Variants in CLVS1 observed in about 807,000 individuals in gnomAD.
CLVS1 encodes clavesin 1, also known as clavesin-1.
In CLVS1, 10 loss-of-function variants were observed where a neutral mutation model predicts 33.1. The ratio of observed to expected loss-of-function variants is 0.30; its 90% CI spans 0.19 to 0.51. The LOEUF is 0.51. CLVS1 is among the 20% of genes least tolerant of loss of function. The pLI, the probability that CLVS1 is intolerant of heterozygous loss-of-function variation, is 0.97. For synonymous variants in CLVS1, 163 were observed against 166.1 expected (o/e 0.98, Z 0.14); for missense variants, 343 against 433.4 (o/e 0.79, Z 1.85).
intron 3 of CLVS1, among the ~76,000 whole-genome samples, chr8:61,412,530 G>C (rs1387646545): frequency 1.3e-5 from 2 of 152,126 alleles, no homozygotes; most frequent in African/African-American, 4.8e-5. Flanking sequence ...GTAGGGGTGG[G>C]GCTGGGAGGC....
intron 5 of CLVS1, 147 bp downstream of exon 5, chr8:61,458,689 T>A: frequency 1.6e-6 from 1 of 606,384 alleles, no homozygotes; most frequent in Non-Finnish European, 2.8e-6. Context: ...CTGATTTCAC[T>A]AAAACTGAAA....
intron 3 of CLVS1, among the ~76,000 whole-genome samples, chr8:61,434,585 G>A (rs1968989): frequency 0.03 from 4,593 of 152,168 alleles, 162 homozygotes; most frequent in African/African-American, 0.085. Context: ...TCAGAAAAGC[G>A]GGACAACTCA....
intron 5 of CLVS1, among the ~76,000 whole-genome samples, chr8:61,476,512 C>T (rs1310782879): frequency 6.6e-6 from 1 of 152,160 alleles, no homozygotes; most frequent in Non-Finnish European, 1.5e-5. Flanking sequence ...AAGTCCTTCA[C>T]ATCCCTTGTA....
At chr8:61,384,740 G>T (rs1386965553) in intron 3 of CLVS1, among the ~76,000 whole-genome samples, 1 of 152,154 alleles carries the variant, frequency 6.6e-6, no homozygotes, top group Non-Finnish European at 1.5e-5. Context: ...CCATAGATTT[G>T]GTGGTACTTG....
chr8:61,492,577 G>T (rs1804132101), intron 5 of CLVS1, among the ~76,000 whole-genome samples: 1 of 152,126 alleles, frequency 6.6e-6, no homozygotes, highest in Admixed American at 6.5e-5. Context: ...CAAGCCCACT[G>T]CATTTTGGTA....
In CLVS1 at chr8:61,271,264, C is replaced by A. The variant is rs1307721243; in HGVS notation, c.-151-28413C>A. Among the ~76,000 whole-genome samples, 265 of 150,436 alleles carry A rather than the reference C, an allele frequency of 1.8e-3. 1 individual carries two copies. Among genetic ancestry groups the A allele is most frequent in the African/African-American group, 6.1e-3 (246 of 40,558 alleles). On this transcript the variant is annotated intron_variant, in intron 2 of 2. Coordinates refer to the CLVS1 transcript ENST00000522621. ...AACATCTTTATTTCTGCCTTCATTT[C>A]GTTATGTACCCAGTAGTCATTCAGG...
chr8:61,336,263 A>G (rs1389734147), intron 2 of CLVS1, among the ~76,000 whole-genome samples: 2 of 152,160 alleles, frequency 1.3e-5, no homozygotes, highest in African/African-American at 4.8e-5. Flanking sequence ...CTCAGGAGTA[A>G]TGGGGGTCTG....
At position 61,232,043 on chromosome 8, in the gene CLVS1, T is replaced by TGTTTGTTTG. The variant is rs1563455158; in HGVS notation, c.-151-67634_-151-67633insGTTTGTTTG. Among the ~76,000 whole-genome samples the TGTTTGTTTG allele has an allele frequency of 1.4e-3, 191 of 139,938 alleles. 7 individuals carry two copies. Among genetic ancestry groups the TGTTTGTTTG allele is most frequent in the African/African-American group, 3.8e-3 (130 of 34,490 alleles). 91.8% of individuals were successfully genotyped at this position (139,938 alleles called of 152,430 possible). ...TTGTGGTTTTTTTTTTTTTTTTTTT[T>TGTTTGTTTG]TTTTTTTGTGAGATGGAGTCTCGCT... On this transcript the variant is annotated intron_variant, in intron 2 of 2. Coordinates refer to the CLVS1 transcript ENST00000522621.
At chr8:61,457,416 C>T (rs1476080329) in intron 4 of CLVS1, among the ~76,000 whole-genome samples, 1 of 152,152 alleles carries the variant, frequency 6.6e-6, no homozygotes, top group Admixed American at 6.5e-5. Flanking sequence ...CTTTCAGAGT[C>T]AACTCCTAAA....
chr8:60,994,692 A>G, the CLVS1 span, among the ~76,000 whole-genome samples: 63 of 152,230 alleles, frequency 4.1e-4, no homozygotes, highest in Non-Finnish European at 2.9e-5. Flanking sequence ...TGACTTGGCA[A>G]TGCGGGCTCT....
At chr8:60,966,200 C>G in the CLVS1 span, 1 of 336,002 alleles carries the variant, frequency 3.0e-6, no homozygotes, top group Non-Finnish European at 5.9e-6. Flanking sequence ...TGAATGAAAA[C>G]AGCTGTCTGA....
At chr8:61,031,471 C>A in the CLVS1 span, among the ~76,000 whole-genome samples, 1 of 152,330 alleles carries the variant, frequency 6.6e-6, no homozygotes, top group South Asian at 2.1e-4. Context: ...GAGCAAAATG[C>A]TAAAAGGGCA....
intron 1 of CLVS1, among the ~76,000 whole-genome samples, chr8:61,074,360 GTA>G (rs369161946): frequency 1.1e-4 from 10 of 92,300 alleles, no homozygotes; most frequent in African/African-American, 4.8e-4. Context: ...GTGTGTGTGT[GTA>G]TATATATATA....
chr8:61,239,443 A>T (rs531320135), intron 2 of CLVS1, among the ~76,000 whole-genome samples: 2 of 152,166 alleles, frequency 1.3e-5, no homozygotes, highest in East Asian at 3.9e-4. Flanking sequence ...TTAATATATT[A>T]TTTTTTTAAC....
intron 3 of CLVS1, among the ~76,000 whole-genome samples, chr8:61,406,754 C>T (rs1815006519): frequency 6.6e-6 from 1 of 151,988 alleles, no homozygotes; most frequent in Admixed American, 6.6e-5. Flanking sequence ...ACTACAGGTG[C>T]ACGCCACCTC....
At chr8:61,473,823 C>A (rs1291175793) in intron 5 of CLVS1, among the ~76,000 whole-genome samples, 2 of 152,236 alleles carry the variant, frequency 1.3e-5, no homozygotes, top group South Asian at 4.1e-4. Flanking sequence ...GAAAGCAGAC[C>A]CTTTTCCCAA....
chr8:61,292,132 A>G, intron 1 of CLVS1: 1 of 282,164 alleles, frequency 3.5e-6, no homozygotes, highest in Non-Finnish European at 7.2e-6. Context: ...TTTTTTTTTA[A>G]TATTCTCACT....
At chr8:61,403,138 A>T (rs1814834921) in intron 3 of CLVS1, among the ~76,000 whole-genome samples, 1 of 152,252 alleles carries the variant, frequency 6.6e-6, no homozygotes, top group Non-Finnish European at 1.5e-5. Flanking sequence ...GTTGTTGGCC[A>T]CACAGCTATT....
the CLVS1 span, among the ~76,000 whole-genome samples, chr8:61,000,167 A>C: frequency 5.3e-5 from 8 of 152,366 alleles, no homozygotes; most frequent in East Asian, 1.5e-3. Context: ...TCTGAATCCA[A>C]TGATTTGGTT....
Sources: gnomAD v4.1 joint callset for allele counts (sites outside exome capture counted in the v4.1 genomes callset) on GRCh38, gnomAD v4.1.1 for gene constraint, MANE v1.5 for transcripts, NCBI Gene and HGNC (gene_info 2026-07-23, HGNC 2026-07-21) for gene names.